KCND2: variants seen among roughly 807,000 people sequenced by gnomAD.
KCND2 encodes the protein A-type voltage-gated potassium channel KCND2.
A neutral mutation model predicts 54.4 loss-of-function variants in KCND2; 16 were observed. The observed-to-expected ratio is 0.29, with a 90% confidence interval of 0.20 to 0.45. The LOEUF (loss-of-function observed/expected upper bound fraction) is 0.45, where lower values mean the gene tolerates loss of function less well. KCND2 is among the 20% of genes least tolerant of loss of function. The pLI, the probability that KCND2 is intolerant of heterozygous loss-of-function variation, is 1.00. For missense variants in KCND2, 486 were observed against 824.2 expected (o/e 0.59, Z 5.02); for synonymous variants, 317 against 310.7 (o/e 1.02, Z -0.21).
chr7:120,581,231 T>C (rs1218009780), intron 1 of KCND2, among the ~76,000 whole-genome samples: 1 of 152,256 alleles, frequency 6.6e-6, no homozygotes, highest in Admixed American at 6.5e-5. Flanking sequence ...CTGCAGATTT[T>C]AGAGCCAGTT....
chr7:120,511,564 A>C (rs983020987), intron 1 of KCND2, among the ~76,000 whole-genome samples: 1 of 152,148 alleles, frequency 6.6e-6, no homozygotes, highest in African/African-American at 2.4e-5. Flanking sequence ...TGATGTATAC[A>C]TCCCCAGAAT....
intron 1 of KCND2, among the ~76,000 whole-genome samples, chr7:120,490,516 A>G (rs532411169): frequency 1.2e-4 from 19 of 152,246 alleles, no homozygotes; most frequent in African/African-American, 4.1e-4. Flanking sequence ...ATATTTTACT[A>G]TATGGACTTT....
intron 1 of KCND2, among the ~76,000 whole-genome samples, chr7:120,692,721 G>C (rs1030794139): frequency 6.6e-6 from 1 of 152,214 alleles, no homozygotes; most frequent in Non-Finnish European, 1.5e-5. Context: ...CGCTCACCTC[G>C]ATGGGGACTT....
intron 1 of KCND2, among the ~76,000 whole-genome samples, chr7:120,588,515 T>A (rs948312656): frequency 2.0e-5 from 3 of 151,276 alleles, no homozygotes; most frequent in Non-Finnish European, 4.4e-5. Flanking sequence ...CCCATAATCT[T>A]GAAATAGAAT....
intron 1 of KCND2, among the ~76,000 whole-genome samples, chr7:120,538,934 A>G: frequency 6.6e-6 from 1 of 152,136 alleles, no homozygotes; most frequent in Non-Finnish European, 1.5e-5. Flanking sequence ...TTTTATAGTA[A>G]AGGAAACACT....
At chr7:120,476,520 G>GC (rs1802535649) in intron 1 of KCND2, among the ~76,000 whole-genome samples, 1 of 152,146 alleles carries the variant, frequency 6.6e-6, no homozygotes, top group East Asian at 1.9e-4. Context: ...GCGCTAACTA[G>GC]CCACACTAGT....
At chr7:120,394,495 G>C (rs1425743155) in intron 1 of KCND2, among the ~76,000 whole-genome samples, 1 of 151,920 alleles carries the variant, frequency 6.6e-6, no homozygotes, top group Non-Finnish European at 1.5e-5. Flanking sequence ...ACGTTACTGA[G>C]TAGAAAGGGA....
chr7:120,534,235 C>A lies in KCND2; in HGVS notation c.1116-198668C>A, dbSNP rs553213857. 1.4e-4 allele frequency among the ~76,000 whole-genome samples: 22 copies of A among 152,184 alleles called. No homozygotes were observed. In the South Asian group the frequency reaches 4.4e-3, roughly 30 times the overall value. ...AGAAGCTTGAAAAACATTATCTTATCCATGTGATCAAGGTTAACATCCTCA... is the reference window on the plus strand; with the variant it reads ...AGAAGCTTGAAAAACATTATCTTATACATGTGATCAAGGTTAACATCCTCA... On this transcript the variant is annotated intron_variant, in intron 1 of 5. Transcript: ENST00000331113.
At chr7:120,472,322 C>G (rs1802469069) in intron 1 of KCND2, among the ~76,000 whole-genome samples, 1 of 151,686 alleles carries the variant, frequency 6.6e-6, no homozygotes. Flanking sequence ...AAAGAAAATG[C>G]TGGAATAATG....
At chr7:120,453,297 A>G (rs1401385121) in intron 1 of KCND2, among the ~76,000 whole-genome samples, 3 of 152,194 alleles carry the variant, frequency 2.0e-5, no homozygotes, top group East Asian at 1.9e-4. Flanking sequence ...GCACTCAGCC[A>G]TAACACCATT....
At chr7:120,312,891 C>CT (rs1255713655) in intron 1 of KCND2, among the ~76,000 whole-genome samples, 5 of 152,008 alleles carry the variant, frequency 3.3e-5, no homozygotes, top group African/African-American at 7.3e-5. Context: ...AAACTTGTGA[C>CT]TTTTTTTAAA....
intron 1 of KCND2, among the ~76,000 whole-genome samples, chr7:120,326,409 AG>A (rs1191839757): frequency 6.6e-6 from 1 of 152,140 alleles, no homozygotes; most frequent in Non-Finnish European, 1.5e-5. Flanking sequence ...AAAATAGAAA[AG>A]TGATTACAAT....
intron 1 of KCND2, among the ~76,000 whole-genome samples, chr7:120,350,557 G>C (rs910429585): frequency 1.3e-5 from 2 of 152,110 alleles, no homozygotes; most frequent in African/African-American, 4.8e-5. Context: ...TTATAAAGCA[G>C]ACAAGAGCAC....
intron 1 of KCND2, among the ~76,000 whole-genome samples, chr7:120,676,879 A>G (rs1024409179): frequency 6.6e-6 from 1 of 152,220 alleles, no homozygotes; most frequent in Non-Finnish European, 1.5e-5. Context: ...CACAATCTAC[A>G]TAAGAACTAA....
chr7:120,611,415 T>C (rs1318288842), intron 1 of KCND2, among the ~76,000 whole-genome samples: 1 of 152,188 alleles, frequency 6.6e-6, no homozygotes, highest in Non-Finnish European at 1.5e-5. Flanking sequence ...ATGGGAGATA[T>C]GTGATTTGGT....
intron 1 of KCND2, among the ~76,000 whole-genome samples, chr7:120,636,326 A>C (rs1318388348): frequency 6.6e-6 from 1 of 152,074 alleles, no homozygotes. Context: ...TACTTAAAGG[A>C]AGAACTTGAG....
intron 1 of KCND2, among the ~76,000 whole-genome samples, chr7:120,543,169 G>A (rs777214356): frequency 8.6e-5 from 13 of 151,726 alleles, no homozygotes; most frequent in Non-Finnish European, 1.3e-4. Flanking sequence ...ATATCTAACC[G>A]ATGTTATCTT....
At chr7:120,457,747 C>A (rs1802220699) in intron 1 of KCND2, among the ~76,000 whole-genome samples, 1 of 152,164 alleles carries the variant, frequency 6.6e-6, no homozygotes, top group Non-Finnish European at 1.5e-5. Flanking sequence ...CCAGACTGTT[C>A]CAACCTCTGC....
intron 1 of KCND2, among the ~76,000 whole-genome samples, chr7:120,455,328 C>T (rs1185045556): frequency 1.3e-5 from 2 of 151,980 alleles, no homozygotes; most frequent in Admixed American, 6.6e-5. Flanking sequence ...GACACTGGTA[C>T]AAAAACAGAC....
Sources: allele counts gnomAD v4.1 joint callset (sites outside exome capture counted in the v4.1 genomes callset), GRCh38; gene constraint gnomAD v4.1.1; transcripts MANE v1.5; gene names NCBI Gene and HGNC (gene_info 2026-07-23, HGNC 2026-07-21).